The following BLMH variants were observed in gnomAD, a reference collection of about 807,000 sequenced individuals.
BLMH encodes the protein BLM hydrolase.
A neutral mutation model predicts 61.6 loss-of-function variants in BLMH; 32 were observed. The ratio of observed to expected loss-of-function variants is 0.52; its 90% CI spans 0.39 to 0.70. The LOEUF (loss-of-function observed/expected upper bound fraction) is 0.70, where lower values mean the gene tolerates loss of function less well. Among genes scored for constraint, BLMH ranks in the 30% least tolerant of loss-of-function variants. BLMH has a pLI of 0.00. For missense variants in BLMH, 460 were observed against 555.5 expected (o/e 0.83, Z 1.73); for synonymous variants, 183 against 193.8 (o/e 0.94, Z 0.46).
Position 30,286,896 on chromosome 17 carries a change from TA to T in BLMH, c.469del (p.Tyr157MetfsTer21). ...GAAGCATTTCTTAGGGATAACACCA[TA>T]TTTTTCTAAAAGAAAACAAATTCTA... ...WDMLVNIVEK[Y>X]GVIPKKCFPE... On this transcript the variant is annotated frameshift_variant, in exon 5 of 12. Coordinates refer to ENST00000261714, the MANE Select transcript of BLMH (RefSeq NM_000386.4). LOFTEE classifies it high-confidence loss of function. The T allele has an allele frequency of 6.3e-7, 1 of 1,577,750 alleles. No homozygotes were observed. The highest frequency in any genetic ancestry group is 8.7e-7 in the Non-Finnish European group (1 of 1,150,440).
At chr17:30,254,235 T>A (rs1735190469) in intron 11 of BLMH, among the ~76,000 whole-genome samples, 2 of 152,210 alleles carry the variant, frequency 1.3e-5, no homozygotes, top group African/African-American at 4.8e-5. Context: ...TTGCCATTTT[T>A]AAAAAAGTTA....
intron 6 of BLMH, among the ~76,000 whole-genome samples, chr17:30,284,275 A>G (rs1908667621): frequency 6.6e-6 from 1 of 152,260 alleles, no homozygotes; most frequent in African/African-American, 2.4e-5. Flanking sequence ...CATGTTAAAT[A>G]TGAACTGAGC....
At chr17:30,289,640 T>G (rs555658211) in intron 2 of BLMH, among the ~76,000 whole-genome samples, 158 bp from the exon 3 acceptor site, 197 of 152,308 alleles carry the variant, frequency 1.3e-3, no homozygotes, top group African/African-American at 4.6e-3. Context: ...AGAAAGGTGG[T>G]AATTATTATT....
chr17:30,248,460 A>T lies in BLMH; in HGVS notation c.*557T>A, dbSNP rs1408708708. ...CACCCCACAGTTCAGAACAGGAAGG[A>T]ATCATGTCAGATCTGATCAACCTCC... On this transcript the variant is annotated 3_prime_UTR_variant, in exon 12 of 12. Transcript: ENST00000261714. The T allele has an allele frequency of 6.5e-6, 1 of 152,914 alleles. No individual in the cohort carries two copies. Among genetic ancestry groups the T allele is most frequent in the Non-Finnish European group, 1.5e-5 (1 of 68,402 alleles). The allele number at this position is 152,914 out of a possible 1,614,324, so 9.5% of individuals were successfully genotyped here.
intron 11 of BLMH, among the ~76,000 whole-genome samples, chr17:30,264,400 ATGAG>A (rs1597659610): frequency 1.3e-5 from 2 of 152,240 alleles, no homozygotes; most frequent in African/African-American, 2.4e-5. Context: ...TAATAATGAA[ATGAG>A]TAAGTTAGCA....
intron 6 of BLMH, among the ~76,000 whole-genome samples, chr17:30,284,764 A>T (rs773721610): frequency 1.3e-5 from 2 of 152,218 alleles, no homozygotes; most frequent in African/African-American, 2.4e-5. Flanking sequence ...AACATCCCTT[A>T]CATCTCTGCC....
At chr17:30,289,824 T>G (rs1908834873) in intron 2 of BLMH, among the ~76,000 whole-genome samples, 1 of 152,216 alleles carries the variant, frequency 6.6e-6, no homozygotes. Context: ...AGGGAAATTA[T>G]CTCTTTTCTG....
At position 30,272,442 on chromosome 17, in the gene BLMH, G is replaced by A. The variant is rs543839197; in HGVS notation, c.1028+119C>T. ...CTCTAAAGGATGCAAAGAAAGAGACGCGCCCTTAGGTCAACCTTCATCTTT... is the reference window on the plus strand; with the variant it reads ...CTCTAAAGGATGCAAAGAAAGAGACACGCCCTTAGGTCAACCTTCATCTTT... On this transcript the variant is annotated intron_variant, in intron 9 of 11. Coordinates refer to ENST00000261714, the MANE Select transcript of BLMH (RefSeq NM_000386.4). 106 of 1,079,154 alleles carry A rather than the reference G, an allele frequency of 9.8e-5. 1 individual carries two copies. The African/African-American group carries it at 1.2e-3, about 13-fold the overall frequency. The allele number at this position is 1,079,154 out of a possible 1,614,324, so 66.8% of individuals were successfully genotyped here.
intron 11 of BLMH, among the ~76,000 whole-genome samples, chr17:30,255,023 C>T (rs748969890): frequency 3.3e-5 from 5 of 152,150 alleles, no homozygotes; most frequent in Admixed American, 6.5e-5. Flanking sequence ...AATCAAAACA[C>T]GTTTAATCAG....
At chr17:30,288,163 T>A (rs369018878) in intron 3 of BLMH, 9 of 449,042 alleles carry the variant, frequency 2.0e-5, no homozygotes, top group Non-Finnish European at 3.1e-5. Context: ...GGACTTACGA[T>A]GCTGAAACAA....
rs907855931 is a variant in BLMH, at chr17:30,291,877, G to C, written c.-58C>G. On this transcript the variant is annotated 5_prime_UTR_variant, in exon 1 of 12. Transcript: ENST00000261714. ...CTTCCAGGGTCCTTGGGCGAGCGCCGGGATTGCGCTGCGGCTCGCTGCCTA... is the reference window on the plus strand; with the variant it reads ...CTTCCAGGGTCCTTGGGCGAGCGCCCGGATTGCGCTGCGGCTCGCTGCCTA... 1.8e-5 allele frequency: 23 copies of C among 1,274,644 alleles called. No individual in the cohort carries two copies. The highest frequency in any genetic ancestry group is 2.2e-5 in the Non-Finnish European group (22 of 1,013,496). 79.0% of individuals were successfully genotyped at this position (1,274,644 alleles called of 1,614,324 possible).
chr17:30,259,367 C>T (rs1463403429), intron 11 of BLMH, among the ~76,000 whole-genome samples: 1 of 152,130 alleles, frequency 6.6e-6, no homozygotes, highest in Non-Finnish European at 1.5e-5. Context: ...CTCCTTGACC[C>T]ATTTTCTGTC....
chr17:30,290,167 A>G (rs752209656), intron 2 of BLMH, among the ~76,000 whole-genome samples: 2 of 152,162 alleles, frequency 1.3e-5, no homozygotes, highest in African/African-American at 2.4e-5. Context: ...CCTGTATGTC[A>G]CCTCTCTTCT....
At chr17:30,279,016 T>C (rs1201540330) in intron 6 of BLMH, among the ~76,000 whole-genome samples, 3 of 152,066 alleles carry the variant, frequency 2.0e-5, no homozygotes, top group Admixed American at 2.0e-4. Context: ...TTAGAACCAA[T>C]CTGATAAAGG....
intron 11 of BLMH, among the ~76,000 whole-genome samples, chr17:30,262,558 G>A (rs1390458393): frequency 6.6e-6 from 1 of 152,162 alleles, no homozygotes; most frequent in Non-Finnish European, 1.5e-5. Flanking sequence ...ACTTTGGGAG[G>A]CCGAGGTGGG....
chr17:30,291,563 T>C (rs765410687), intron 1 of BLMH, 55 bp from the exon 2 acceptor site: 2 of 1,591,086 alleles, frequency 1.3e-6, no homozygotes, highest in East Asian at 2.2e-5. Context: ...AGGGCTGATC[T>C]GGGGCTCCCG....
chr17:30,287,757 C>T (rs767655149), intron 4 of BLMH, 49 bp downstream of exon 4: 8 of 1,603,344 alleles, frequency 5.0e-6, no homozygotes, highest in Admixed American at 1.7e-5. Flanking sequence ...TAACTACAGG[C>T]TTACTTAATC....
chr17:30,248,804 TG>T lies in BLMH; in HGVS notation c.*212del, dbSNP rs1247726947. On this transcript the variant is annotated 3_prime_UTR_variant, in exon 12 of 12. Coordinates refer to ENST00000261714, the MANE Select transcript of BLMH (RefSeq NM_000386.4). ...TTAGAGATGAGGAGAGTAGATAGTA[TG>T]ACCTGATCTTCCCCCCTCTTTTTTT... 1 of 562,256 alleles carries T rather than the reference TG, an allele frequency of 1.8e-6. No homozygotes were observed. Among genetic ancestry groups the T allele is most frequent in the Admixed American group, 3.2e-5 (1 of 31,134 alleles). The allele number at this position is 562,256 out of a possible 1,614,324, so 34.8% of individuals were successfully genotyped here.
In BLMH at chr17:30,248,313, G is replaced by A. The variant is rs1038452315; in HGVS notation, c.*704C>T. The A allele has an allele frequency of 2.6e-5, 4 of 152,508 alleles. No homozygotes were observed. The highest frequency in any genetic ancestry group is 2.6e-4 in the Admixed American group (4 of 15,266). 9.4% of individuals were successfully genotyped at this position (152,508 alleles called of 1,614,324 possible). On this transcript the variant is annotated 3_prime_UTR_variant, in exon 12 of 12. Coordinates refer to ENST00000261714, the MANE Select transcript of BLMH (RefSeq NM_000386.4). Reference sequence around the variant, plus strand: ...CCAATCCCCAGTTCCACAGGCAGAAGTTAAACCATTTGGCTAGAGTTCCCC... The same window carrying A: ...CCAATCCCCAGTTCCACAGGCAGAAATTAAACCATTTGGCTAGAGTTCCCC...
Sources: allele counts gnomAD v4.1 joint callset (sites outside exome capture counted in the v4.1 genomes callset), GRCh38; gene constraint gnomAD v4.1.1; transcripts MANE v1.5; gene names NCBI Gene and HGNC (gene_info 2026-07-23, HGNC 2026-07-21).